Variants in LNPK observed in about 807,000 individuals in gnomAD.
LNPK encodes the protein endoplasmic reticulum junction formation protein lunapark.
Under a neutral mutation model 55.2 loss-of-function variants are expected in LNPK, and 29 were observed. The observed-to-expected ratio is 0.53, with a 90% CI of 0.39 to 0.72. The LOEUF is 0.72. Ranked by LOEUF, LNPK falls within the 30% of genes least tolerant of loss-of-function variation. The pLI, the probability that LNPK is intolerant of heterozygous loss-of-function variation, is 0.00. For missense variants in LNPK, 467 were observed against 494.8 expected (o/e 0.94, Z 0.53); for synonymous variants, 162 against 168.2 (o/e 0.96, Z 0.29).
intron 2 of LNPK, 122 bp downstream of exon 2, chr2:175,995,436 A>G: frequency 1.6e-6 from 1 of 640,356 alleles, no homozygotes; most frequent in Non-Finnish European, 2.5e-6. Context: ...AAGAGAAGAA[A>G]AAAGTTAAGG....
intron 5 of LNPK, among the ~76,000 whole-genome samples, chr2:175,974,789 C>A (rs183993203): frequency 6.6e-6 from 1 of 151,858 alleles, no homozygotes; most frequent in African/African-American, 2.4e-5. Flanking sequence ...GACTGCAAGA[C>A]AATCTTTTAC....
intron 1 of LNPK, among the ~76,000 whole-genome samples, chr2:175,997,707 G>C (rs908132534): frequency 2.2e-5 from 2 of 91,126 alleles, no homozygotes; most frequent in African/African-American, 3.6e-5. Flanking sequence ...CAAATGCTCT[G>C]TGTGTGTGTG....
rs1303026562 is a variant in LNPK at position 175,924,395 on chromosome 2, G to A, written c.*5572C>T. ...TAATATTGTAAGAAGAAAGTTTTAA[G>A]ACGATTAAGTAGTTGCTGTCCACTG... On this transcript the variant is annotated 3_prime_UTR_variant, in exon 13 of 13. Transcript: ENST00000272748. The A allele has an allele frequency of 6.6e-6, 1 of 152,184 alleles. No homozygotes were observed. Among genetic ancestry groups the A allele is most frequent in the Non-Finnish European group, 1.5e-5 (1 of 68,028 alleles). 9.4% of individuals were successfully genotyped at this position (152,184 alleles called of 1,614,324 possible). A position where few individuals can be genotyped will look rare whatever the true frequency, so the allele number is the denominator to read the frequency against.
intron 4 of LNPK, among the ~76,000 whole-genome samples, chr2:175,981,740 T>C (rs1358787334): frequency 1.3e-5 from 2 of 152,194 alleles, no homozygotes; most frequent in East Asian, 1.9e-4. Context: ...TCTACAGTGA[T>C]TGTATGGATT....
intron 12 of LNPK, among the ~76,000 whole-genome samples, chr2:175,933,428 T>C (rs141948763): frequency 2.0e-5 from 3 of 152,170 alleles, no homozygotes; most frequent in African/African-American, 7.2e-5. Flanking sequence ...AACACATCAG[T>C]ACCCTCTATC....
rs573704020 is a variant in LNPK at position 175,961,372 on chromosome 2, T to C, written c.493+3000A>G. Among the ~76,000 whole-genome samples the C allele has an allele frequency of 2.6e-5, 4 of 152,336 alleles. No homozygotes were observed. The South Asian group carries it at 8.3e-4, about 32-fold the overall frequency. ...ATGCATGATGATCAAGTTGGCTTCATCCCTGGGATGCAAGGCTGGTTCAAC... is the reference window on the plus strand; with the variant it reads ...ATGCATGATGATCAAGTTGGCTTCACCCCTGGGATGCAAGGCTGGTTCAAC... On this transcript the variant is annotated intron_variant, in intron 8 of 12. Transcript: ENST00000272748.
In LNPK at chr2:175,995,651, A is replaced by G; in HGVS notation, c.-62-5T>C. The G allele has an allele frequency of 2.3e-6, 3 of 1,325,034 alleles. No homozygotes were observed. Among genetic ancestry groups the G allele is most frequent in the Non-Finnish European group, 3.3e-6 (3 of 918,248 alleles). The allele number at this position is 1,325,034 out of a possible 1,614,324, so 82.1% of individuals were successfully genotyped here. A position where few individuals can be genotyped will look rare whatever the true frequency, so the allele number is the denominator to read the frequency against. On this transcript the variant is annotated splice_region_variant and splice_polypyrimidine_tract_variant and intron_variant, in intron 1 of 12. Transcript: ENST00000272748. ...ATTGTCCAAAGGAATTCACAGCTAG[A>G]AATAAAGCAAGTATTTAAAATGTTA...
chr2:175,948,958 TAG>T (rs1331982814), intron 8 of LNPK, among the ~76,000 whole-genome samples: 2 of 152,138 alleles, frequency 1.3e-5, no homozygotes, highest in Non-Finnish European at 2.9e-5. Flanking sequence ...TCTGTAAAAT[TAG>T]GATAATATTA....
At chr2:175,990,097 C>T (rs762697070) in intron 4 of LNPK, among the ~76,000 whole-genome samples, 1 of 152,164 alleles carries the variant, frequency 6.6e-6, no homozygotes, top group Non-Finnish European at 1.5e-5. Context: ...TAAGTAAATC[C>T]GAGTCCAGCC....
At chr2:175,985,372 T>C (rs1458005073) in intron 4 of LNPK, among the ~76,000 whole-genome samples, 1 of 152,232 alleles carries the variant, frequency 6.6e-6, no homozygotes, top group Non-Finnish European at 1.5e-5. Context: ...GAACTCTGAA[T>C]AGGCTCCGTG....
Position 175,929,685 on chromosome 2 carries a change from T to C in LNPK, c.*282A>G. On this transcript the variant is annotated 3_prime_UTR_variant, in exon 13 of 13. Transcript: ENST00000272748. ...CATACAGAAAACAAGAAGGCAATCA[T>C]GTTTGCTTACTTTTAGAATGGACAA... 8.3e-7 allele frequency: 1 copy of C among 1,210,120 alleles called. No individual in the cohort carries two copies. Among genetic ancestry groups the C allele is most frequent in the Non-Finnish European group, 1.0e-6 (1 of 971,916 alleles). The allele number at this position is 1,210,120 out of a possible 1,614,324, so 75.0% of individuals were successfully genotyped here. A position where few individuals can be genotyped will look rare whatever the true frequency, so the allele number is the denominator to read the frequency against.
intron 12 of LNPK, 76 bp from the exon 13 acceptor site, chr2:175,930,275 AACACACACACACACACACACAC>A (rs35338571): frequency 2.1e-4 from 138 of 661,272 alleles, no homozygotes; most frequent in South Asian, 3.5e-4. Flanking sequence ...AAAAAAGATA[AACACACACACACACACACACAC>A]ACACACACAC....
At chr2:175,961,160 T>G (rs1028626842) in intron 8 of LNPK, among the ~76,000 whole-genome samples, 5 of 152,200 alleles carry the variant, frequency 3.3e-5, no homozygotes, top group Non-Finnish European at 7.3e-5. Context: ...CTTCTGAAAC[T>G]ATTCCAAACA....
chr2:175,966,031 G>C (rs1422199424), intron 6 of LNPK, among the ~76,000 whole-genome samples: 1 of 152,166 alleles, frequency 6.6e-6, no homozygotes, highest in Non-Finnish European at 1.5e-5. Flanking sequence ...TTAAAATGTT[G>C]CTTGTGCAAC....
intron 4 of LNPK, among the ~76,000 whole-genome samples, chr2:175,992,001 G>C (rs1687722760): frequency 6.6e-6 from 1 of 152,040 alleles, no homozygotes; most frequent in Non-Finnish European, 1.5e-5. Context: ...TTGCCATATA[G>C]AGCAATTATT....
At chr2:175,960,005 G>A (rs1306500148) in intron 8 of LNPK, among the ~76,000 whole-genome samples, 1 of 152,134 alleles carries the variant, frequency 6.6e-6, no homozygotes, top group African/African-American at 2.4e-5. Context: ...TCAACAAGAA[G>A]AGCTAACTAT....
chr2:175,990,595 A>AACTCACATTACACACAAAAGGCAAC (rs1687659342), intron 4 of LNPK, among the ~76,000 whole-genome samples: 1 of 152,040 alleles, frequency 6.6e-6, no homozygotes, highest in East Asian at 1.9e-4. Flanking sequence ...CAAAAGGCAA[A>AACTCACATTACACACAAAAGGCAAC]AACTCACATT....
intron 6 of LNPK, among the ~76,000 whole-genome samples, chr2:175,969,462 T>C (rs1248129198): frequency 2.0e-5 from 3 of 152,240 alleles, no homozygotes; most frequent in Non-Finnish European, 4.4e-5. Flanking sequence ...TCCTGTTTTC[T>C]GGCCATATGA....
intron 5 of LNPK, among the ~76,000 whole-genome samples, chr2:175,977,110 T>C (rs1046342744): frequency 1.3e-5 from 2 of 152,140 alleles, no homozygotes; most frequent in Non-Finnish European, 2.9e-5. Context: ...TAAGTGGAAA[T>C]GTCAATTACA....
Sources: allele counts gnomAD v4.1 joint callset (sites outside exome capture counted in the v4.1 genomes callset), GRCh38; gene constraint gnomAD v4.1.1; transcripts MANE v1.5; gene names NCBI Gene and HGNC (gene_info 2026-07-23, HGNC 2026-07-21).